Variants in CA10 observed in about 807,000 individuals in gnomAD.
CA10 encodes the protein carbonic anhydrase-related protein 10.
A neutral mutation model predicts 44.2 loss-of-function variants in CA10; 14 were observed. That is an observed-to-expected ratio of 0.32 (90% confidence interval 0.21 to 0.50). The LOEUF (loss-of-function observed/expected upper bound fraction) is 0.50. CA10 is among the 20% of genes least tolerant of loss of function. CA10 has a pLI of 0.99. For synonymous variants in CA10, 159 were observed against 141.6 expected, an observed-to-expected ratio of 1.12 and a Z score of -0.87; for missense variants, 350 against 409.7, an observed-to-expected ratio of 0.85 and a Z score of 1.26.
intron 3 of CA10, among the ~76,000 whole-genome samples, chr17:51,928,796 C>A: frequency 6.6e-6 from 1 of 152,082 alleles, no homozygotes; most frequent in African/African-American, 2.4e-5. Flanking sequence ...AACAAGTTTC[C>A]AACTCATTAA....
At chr17:51,893,105 T>C (rs1980929467) in intron 3 of CA10, among the ~76,000 whole-genome samples, 1 of 152,134 alleles carries the variant, frequency 6.6e-6, no homozygotes, top group Non-Finnish European at 1.5e-5. Flanking sequence ...ATAAGTTGCA[T>C]AATATCAAGT....
chr17:51,997,165 T>A (rs1985266126), intron 2 of CA10, among the ~76,000 whole-genome samples: 1 of 152,096 alleles, frequency 6.6e-6, no homozygotes, highest in African/African-American at 2.4e-5. Context: ...CCCGCTATCA[T>A]CTTTCTCATA....
chr17:51,938,888 C>T (rs1293246163), intron 2 of CA10, among the ~76,000 whole-genome samples: 5 of 151,980 alleles, frequency 3.3e-5, no homozygotes, highest in Admixed American at 2.6e-4. Context: ...CTAAGGTCAC[C>T]TGGCCAGTAG....
chr17:51,744,947 T>G (rs747346685), intron 4 of CA10, among the ~76,000 whole-genome samples: 1 of 152,162 alleles, frequency 6.6e-6, no homozygotes, highest in Non-Finnish European at 1.5e-5. Flanking sequence ...CCCCTGACAT[T>G]GAGAGGCTTG....
chr17:51,904,592 A>T (rs1207806760), intron 3 of CA10, among the ~76,000 whole-genome samples: 1 of 152,166 alleles, frequency 6.6e-6, no homozygotes, highest in Non-Finnish European at 1.5e-5. Flanking sequence ...TTTAAGTCAT[A>T]AAAAGGACAA....
chr17:52,123,042 T>C (rs1345642773), intron 1 of CA10, among the ~76,000 whole-genome samples: 3 of 152,278 alleles, frequency 2.0e-5, no homozygotes, highest in African/African-American at 4.8e-5. Context: ...TTGCCAATCA[T>C]ATATTCTGAT....
intron 1 of CA10, among the ~76,000 whole-genome samples, chr17:52,148,161 C>G (rs191085777): frequency 3.6e-3 from 548 of 152,282 alleles, no homozygotes; most frequent in Admixed American, 5.7e-3. Context: ...TGCTCTGCAT[C>G]AAGACTAAAA....
At chr17:51,706,247 G>A (rs749006661) in intron 4 of CA10, among the ~76,000 whole-genome samples, 10 of 152,190 alleles carry the variant, frequency 6.6e-5, no homozygotes, top group Non-Finnish European at 1.2e-4. Flanking sequence ...TTGTCAGTGA[G>A]ATGAATTACT....
At chr17:51,783,103 T>C (rs566176718) in intron 3 of CA10, among the ~76,000 whole-genome samples, 1 of 152,326 alleles carries the variant, frequency 6.6e-6, no homozygotes, top group Admixed American at 6.5e-5. Flanking sequence ...GTTGTCTAAA[T>C]AGTCATCTCT....
At chr17:51,788,678 C>T (rs1449532509) in intron 3 of CA10, among the ~76,000 whole-genome samples, 1 of 152,148 alleles carries the variant, frequency 6.6e-6, no homozygotes, top group African/African-American at 2.4e-5. Context: ...CCACAGAGTC[C>T]CATATCTCCT....
chr17:52,043,788 C>G (rs1020990745), intron 2 of CA10, among the ~76,000 whole-genome samples: 1 of 152,018 alleles, frequency 6.6e-6, no homozygotes, highest in Non-Finnish European at 1.5e-5. Context: ...TTGTCAAATG[C>G]TTTTTCCCCA....
At chr17:51,822,957 C>T (rs1343972653) in intron 3 of CA10, among the ~76,000 whole-genome samples, 1 of 152,322 alleles carries the variant, frequency 6.6e-6, no homozygotes, top group East Asian at 1.9e-4. Context: ...CACAGCCTTA[C>T]TCAACTGCCC....
intron 2 of CA10, among the ~76,000 whole-genome samples, chr17:52,061,815 A>C (rs1987394509): frequency 6.6e-6 from 1 of 152,130 alleles, no homozygotes; most frequent in African/African-American, 2.4e-5. Context: ...TTTATAAATT[A>C]CCCAGTCTTG....
intron 4 of CA10, among the ~76,000 whole-genome samples, chr17:51,668,597 T>C (rs775246499): frequency 6.6e-6 from 1 of 152,178 alleles, no homozygotes; most frequent in Admixed American, 6.5e-5. Context: ...ACTGTCCTGA[T>C]ATTGAGAGGT....
intron 1 of CA10, among the ~76,000 whole-genome samples, chr17:52,126,744 T>G (rs755984414): frequency 6.6e-6 from 1 of 152,222 alleles, no homozygotes; most frequent in Non-Finnish European, 1.5e-5. Flanking sequence ...AGGAGAATAT[T>G]AAATCATTAC....
At chr17:51,702,442 G>C (rs886375085) in intron 4 of CA10, among the ~76,000 whole-genome samples, 1 of 152,140 alleles carries the variant, frequency 6.6e-6, no homozygotes. Flanking sequence ...GCTGGTGACA[G>C]GTCATTCTTA....
At position 51,630,757 on chromosome 17, in the gene CA10, A is replaced by T. The variant is rs1403664621; in HGVS notation, c.*827T>A. ...CCTGTAAGGAAGGAGAACAGACCAA[A>T]GCCAGAAAAATGAAATTAACTCGTT... is the stretch of plus-strand genomic sequence containing the variant. On this transcript the variant is annotated 3_prime_UTR_variant, in exon 9 of 9. Coordinates refer to ENST00000451037, the MANE Select transcript of CA10 (RefSeq NM_020178.5). 1 of 152,650 alleles carries T rather than the reference A, an allele frequency of 6.6e-6. No homozygotes were observed. Among genetic ancestry groups the T allele is most frequent in the Admixed American group, 6.5e-5 (1 of 15,288 alleles). The allele number at this position is 152,650 out of a possible 1,614,324, so 9.5% of individuals were successfully genotyped here.
At chr17:51,705,607 T>C (rs975849821) in intron 4 of CA10, among the ~76,000 whole-genome samples, 2 of 152,098 alleles carry the variant, frequency 1.3e-5, no homozygotes, top group East Asian at 1.9e-4. Flanking sequence ...AGCATCCTTA[T>C]TGGGGTAATT....
chr17:52,144,864 A>AT (rs1010842902), intron 1 of CA10, among the ~76,000 whole-genome samples: 1 of 152,060 alleles, frequency 6.6e-6, no homozygotes, highest in Non-Finnish European at 1.5e-5. Context: ...ACCAGGCTCC[A>AT]TTTTTTTTAT....
Sources: allele counts gnomAD v4.1 joint callset (sites outside exome capture counted in the v4.1 genomes callset), GRCh38; gene constraint gnomAD v4.1.1; transcripts MANE v1.5; gene names NCBI Gene and HGNC (gene_info 2026-07-23, HGNC 2026-07-21).